BBOX1: variants seen among roughly 807,000 people sequenced by gnomAD.
The protein encoded by BBOX1 is gamma-butyrobetaine hydroxylase 1.
A neutral mutation model predicts 41.6 loss-of-function variants in BBOX1; 35 were observed. The ratio of observed to expected loss-of-function variants is 0.84; its 90% CI spans 0.64 to 1.11. The LOEUF is 1.11. BBOX1 is among the 50% of genes most tolerant of loss of function. The pLI is 0.00. For missense variants in BBOX1, 458 were observed against 460.6 expected, an observed-to-expected ratio of 0.99 and a Z score of 0.05; for synonymous variants, 163 against 154.7, an observed-to-expected ratio of 1.05 and a Z score of -0.40.
rs762971089 is a variant in BBOX1 at position 27,093,261 on chromosome 11, C to T, written c.428C>T (p.Thr143Ile). ...YDEHAYKWLS[T>I]LKKVGIVRLT... ...GAACACGCATACAAGTGGCTCTCCACCCTCAAGAAAGTAGGCATAGTAAGA... is the reference window on the plus strand; with the variant it reads ...GAACACGCATACAAGTGGCTCTCCATCCTCAAGAAAGTAGGCATAGTAAGA... The change falls in exon 5 of 9, where the codon ACC (threonine) becomes ATC (isoleucine). Residue 143 changes from threonine (T) to isoleucine (I), a missense_variant. Transcript: ENST00000263182. The T allele has an allele frequency of 6.2e-7, 1 of 1,612,474 alleles. No individual in the cohort carries two copies. Among genetic ancestry groups the T allele is most frequent in the South Asian group, 1.1e-5 (1 of 91,036 alleles).
intron 7 of BBOX1, among the ~76,000 whole-genome samples, chr11:27,122,788 G>GTTT (rs140084475): frequency 2.2e-4 from 32 of 147,934 alleles, no homozygotes; most frequent in Admixed American, 6.7e-4. Context: ...CCTTTCTTTG[G>GTTT]TTTTTTTTTT....
At chr11:27,082,825 T>C (rs753719190) in intron 4 of BBOX1, among the ~76,000 whole-genome samples, 1 of 152,174 alleles carries the variant, frequency 6.6e-6, no homozygotes, top group Non-Finnish European at 1.5e-5. Context: ...TTATTTTACG[T>C]GTAATTCTTG....
chr11:27,081,256 C>T (rs754756526), intron 4 of BBOX1, among the ~76,000 whole-genome samples: 3 of 152,118 alleles, frequency 2.0e-5, no homozygotes, highest in Non-Finnish European at 2.9e-5. Context: ...CTTACATGTT[C>T]TGGCAGGCTG....
chr11:27,076,513 C>G (rs757620781), intron 4 of BBOX1, among the ~76,000 whole-genome samples: 1 of 152,136 alleles, frequency 6.6e-6, no homozygotes, highest in Non-Finnish European at 1.5e-5. Flanking sequence ...TGGCCTCCAG[C>G]CAGGAGGTGG....
chr11:27,077,693 A>G (rs1205044662), intron 4 of BBOX1, among the ~76,000 whole-genome samples: 4 of 151,490 alleles, frequency 2.6e-5, no homozygotes, highest in Admixed American at 1.3e-4. Context: ...AAAATGTAGA[A>G]TATTATTATT....
At chr11:27,071,769 C>A (rs577388369) in intron 4 of BBOX1, among the ~76,000 whole-genome samples, 2 of 152,206 alleles carry the variant, frequency 1.3e-5, no homozygotes, top group East Asian at 3.9e-4. Context: ...GTTCAACATA[C>A]AAAAATCAAT....
At chr11:27,077,464 C>T (rs1857671571) in intron 4 of BBOX1, among the ~76,000 whole-genome samples, 1 of 152,046 alleles carries the variant, frequency 6.6e-6, no homozygotes, top group Admixed American at 6.5e-5. Flanking sequence ...TACAGCCTGC[C>T]ACTTCTTTCA....
intron 4 of BBOX1, among the ~76,000 whole-genome samples, chr11:27,068,795 T>C (rs894421268): frequency 6.6e-6 from 1 of 151,992 alleles, no homozygotes; most frequent in African/African-American, 2.4e-5. Context: ...TATGTCGCTA[T>C]TCAGTTTTTC....
chr11:27,064,395 A>T (rs916266323), intron 4 of BBOX1, among the ~76,000 whole-genome samples: 1 of 152,158 alleles, frequency 6.6e-6, no homozygotes, highest in Non-Finnish European at 1.5e-5. Context: ...CTCATAACTC[A>T]GATACACAGG....
chr11:27,090,666 G>T (rs1211895330), intron 4 of BBOX1, among the ~76,000 whole-genome samples: 1 of 151,850 alleles, frequency 6.6e-6, no homozygotes, highest in Non-Finnish European at 1.5e-5. Flanking sequence ...AGAGCAGAGA[G>T]CCAGTCTGAC....
chr11:27,100,926 T>C (rs781564526), intron 5 of BBOX1, among the ~76,000 whole-genome samples: 3 of 152,116 alleles, frequency 2.0e-5, no homozygotes, highest in Non-Finnish European at 4.4e-5. Context: ...GTGGCTGTTA[T>C]TGGGATGGTA....
chr11:27,124,631 C>A (rs776836834), intron 7 of BBOX1, among the ~76,000 whole-genome samples: 16 of 152,232 alleles, frequency 1.1e-4, no homozygotes, highest in Non-Finnish European at 2.2e-4. Flanking sequence ...AGGTGCCTGC[C>A]ACCACACCCA....
chr11:27,125,842 A>G (rs1859631730), intron 8 of BBOX1, 22 bp downstream of exon 8: 8 of 1,594,272 alleles, frequency 5.0e-6, no homozygotes, highest in African/African-American at 1.3e-5. Flanking sequence ...CATTTTCTCA[A>G]ATAACCAAAA....
intron 5 of BBOX1, among the ~76,000 whole-genome samples, chr11:27,108,540 G>A (rs1858943820): frequency 6.6e-6 from 1 of 151,984 alleles, no homozygotes; most frequent in Non-Finnish European, 1.5e-5. Flanking sequence ...ATTTTGTATG[G>A]TCTATGGAGT....
At position 27,073,906 on chromosome 11, in the gene BBOX1, C is replaced by A. The variant is rs1407928121; in HGVS notation, c.334+16591C>A. Among the ~76,000 whole-genome samples, 13 of 151,954 alleles carry A rather than the reference C, an allele frequency of 8.6e-5. No homozygotes were observed. The East Asian group carries it at 2.5e-3, about 30-fold the overall frequency. ...GGAAGGGAAACATCACACACTGGGGCCTGTTGTGGGGTGGGGGTAAGGGGG... is the reference window on the plus strand; with the variant it reads ...GGAAGGGAAACATCACACACTGGGGACTGTTGTGGGGTGGGGGTAAGGGGG... On this transcript the variant is annotated intron_variant, in intron 4 of 8. Coordinates refer to ENST00000263182, the MANE Select transcript of BBOX1 (RefSeq NM_003986.3).
intron 2 of BBOX1, among the ~76,000 whole-genome samples, chr11:27,046,694 T>G (rs980058300): frequency 2.0e-5 from 3 of 152,158 alleles, no homozygotes; most frequent in African/African-American, 7.2e-5. Context: ...TAAAAATTCA[T>G]CCTATATAGC....
At chr11:27,092,811 G>A (rs192770163) in intron 4 of BBOX1, among the ~76,000 whole-genome samples, 3 of 152,016 alleles carry the variant, frequency 2.0e-5, no homozygotes, top group Admixed American at 2.0e-4. Flanking sequence ...ATATAACTTG[G>A]CTGTTAACAC....
At chr11:27,079,182 T>C (rs1666995851) in intron 4 of BBOX1, among the ~76,000 whole-genome samples, 1 of 152,156 alleles carries the variant, frequency 6.6e-6, no homozygotes, top group Non-Finnish European at 1.5e-5. Context: ...ACAATTGCCA[T>C]GAAAAAAACT....
intron 4 of BBOX1, among the ~76,000 whole-genome samples, chr11:27,066,832 T>G (rs926593656): frequency 4.0e-5 from 6 of 148,320 alleles, no homozygotes; most frequent in African/African-American, 1.1e-4. Context: ...ATAAAAATGT[T>G]TAAGTTCTAC....
Sources: gnomAD v4.1 joint callset for allele counts (sites outside exome capture counted in the v4.1 genomes callset) on GRCh38, gnomAD v4.1.1 for gene constraint, MANE v1.5 for transcripts, NCBI Gene and HGNC (gene_info 2026-07-23, HGNC 2026-07-21) for gene names.